SDAD1: variants seen among roughly 807,000 people sequenced by gnomAD.
SDAD1 encodes protein SDA1 homolog.
In SDAD1, 79 loss-of-function variants were observed where a neutral mutation model predicts 100.3. The ratio of observed to expected loss-of-function variants is 0.79; its 90% CI spans 0.66 to 0.95. SDAD1 has a LOEUF of 0.95. Among genes scored for constraint, SDAD1 ranks in the 40% least tolerant of loss-of-function variants. The pLI is 0.00. For synonymous variants in SDAD1, 267 were observed against 271.4 expected, an observed-to-expected ratio of 0.98 and a Z score of 0.16; for missense variants, 790 against 810.9, an observed-to-expected ratio of 0.97 and a Z score of 0.31.
intron 14 of SDAD1, 72 bp downstream of exon 14, chr4:75,964,063 C>T (rs4859578): frequency 0.24 from 240,348 of 985,072 alleles, 30,830 homozygotes; most frequent in East Asian, 0.36. Context: ...TACAATCTTA[C>T]ATCTTGGTAA....
chr4:75,956,176 A>G (rs770071554), intron 20 of SDAD1, 40 bp from the exon 21 acceptor site: 3 of 1,568,804 alleles, frequency 1.9e-6, no homozygotes, highest in East Asian at 2.2e-5. Context: ...CTTCAACAAC[A>G]TACTTTAGGA....
intron 11 of SDAD1, among the ~76,000 whole-genome samples, chr4:75,968,420 G>A (rs1333624627): frequency 6.6e-6 from 1 of 151,986 alleles, no homozygotes; most frequent in East Asian, 1.9e-4. Flanking sequence ...GATGTTCAGA[G>A]CAGCACCAGT....
At chr4:75,973,857 T>C (rs189226215) in intron 7 of SDAD1, among the ~76,000 whole-genome samples, 1 of 152,010 alleles carries the variant, frequency 6.6e-6, no homozygotes, top group South Asian at 2.1e-4. Flanking sequence ...AGGAAAGCAG[T>C]ATAGGAACAA....
rs780712560 is a variant in SDAD1, at chr4:75,981,882, C to T, written c.195+51G>A. The T allele has an allele frequency of 5.6e-6, 7 of 1,239,656 alleles. No individual in the cohort carries two copies. In the African/African-American group the frequency reaches 7.5e-5, roughly 13 times the overall value. The allele number at this position is 1,239,656 out of a possible 1,614,324, so 76.8% of individuals were successfully genotyped here. On this transcript the variant is annotated intron_variant, in intron 2 of 21. Coordinates refer to ENST00000356260, the MANE Select transcript of SDAD1 (RefSeq NM_018115.4). ...GGTTGAGTATTAGTGAAAAAACATT[C>T]AGCAAACTGTGTGTTAATACTGGTC...
chr4:75,953,740 G>A (rs1728737266), intron 21 of SDAD1, among the ~76,000 whole-genome samples: 1 of 152,170 alleles, frequency 6.6e-6, no homozygotes. Context: ...AGCTATTTAG[G>A]AACACTGATT....
Position 75,965,279 on chromosome 4 carries a change from C to T in SDAD1, c.1104+485G>A, listed in dbSNP as rs541649557. Among the ~76,000 whole-genome samples, 457 of 152,264 alleles carry T rather than the reference C, an allele frequency of 3.0e-3. 6 individuals are homozygous for T. Among genetic ancestry groups the T allele is most frequent in the Non-Finnish European group, 2.0e-3 (133 of 68,018 alleles). ...AGGCTTATTAGGATGAGGAAATTCC[C>T]GCCTAATAAATTTTGGTCAGACTGG... On this transcript the variant is annotated intron_variant, in intron 13 of 21. Transcript: ENST00000356260.
chr4:75,966,872 C>T (rs142467085), intron 12 of SDAD1, among the ~76,000 whole-genome samples: 30 of 152,232 alleles, frequency 2.0e-4, no homozygotes, highest in Non-Finnish European at 2.5e-4. Flanking sequence ...TGGGTTCAAG[C>T]GATTCTGTCT....
Position 75,970,318 on chromosome 4 carries a change from C to G in SDAD1, c.874G>C (p.Asp292His). The G allele has an allele frequency of 6.2e-7, 1 of 1,613,498 alleles. No individual in the cohort carries two copies. The stretch of plus-strand genomic sequence containing the variant: ...CGTCATAATAACGTACCTTGGGGAT[C>G]ATGAATCAAGTGAATGGCTGAAAAG... ...FNFSAIHLIH[D>H]PQDFAEKLLK... is the part of the protein sequence containing the mutation. The change falls in exon 10 of 22, where the codon GAT becomes CAT. Residue 292 changes from aspartate to histidine, a missense_variant. By Grantham distance (81) the Asp-to-His change is moderately conservative. Coordinates refer to ENST00000356260, the MANE Select transcript of SDAD1 (RefSeq NM_018115.4).
intron 9 of SDAD1, 114 bp downstream of exon 9, chr4:75,971,243 T>C: frequency 2.9e-6 from 2 of 699,684 alleles, no homozygotes; most frequent in Non-Finnish European, 4.9e-6. Context: ...TATCTAACAT[T>C]TCTAAGTATT....
chr4:75,987,017 T>TA lies in SDAD1; in HGVS notation c.90+3734dup, dbSNP rs575128764. On this transcript the variant is annotated intron_variant, in intron 1 of 21. Coordinates refer to ENST00000356260, the MANE Select transcript of SDAD1 (RefSeq NM_018115.4). ...TGGGCAACAGAGCAAGACTGTGTCT[T>TA]AAAAAAAAAAATCCTTTCTTGATTC... is the stretch of plus-strand genomic sequence containing the variant. Among the ~76,000 whole-genome samples the TA allele has an allele frequency of 7.1e-3, 1,052 of 148,548 alleles. 4 individuals are homozygous for TA. The highest frequency in any genetic ancestry group is 0.017 in the Middle Eastern group (5 of 288).
At chr4:75,989,218 T>G (rs1731087067) in intron 1 of SDAD1, among the ~76,000 whole-genome samples, 1 of 152,180 alleles carries the variant, frequency 6.6e-6, no homozygotes, top group Admixed American at 6.6e-5. Flanking sequence ...TTCTCTGCTT[T>G]TTTTCCACCA....
intron 11 of SDAD1, among the ~76,000 whole-genome samples, chr4:75,968,269 A>G (rs955543459): frequency 3.3e-5 from 5 of 152,266 alleles, no homozygotes; most frequent in Non-Finnish European, 5.9e-5. Context: ...AAAGCAATGT[A>G]GTCAGCAAAA....
At chr4:75,962,068 G>T (rs1729271061) in intron 14 of SDAD1, among the ~76,000 whole-genome samples, 2 of 152,036 alleles carry the variant, frequency 1.3e-5, no homozygotes, top group African/African-American at 4.8e-5. Context: ...CCCACGACAG[G>T]CCCCGGTGTG....
At chr4:75,963,344 T>C (rs1729357974) in intron 14 of SDAD1, among the ~76,000 whole-genome samples, 1 of 152,118 alleles carries the variant, frequency 6.6e-6, no homozygotes, top group Non-Finnish European at 1.5e-5. Flanking sequence ...CTTTGTTCTT[T>C]TGGCTTAGGA....
In SDAD1 at chr4:75,971,413, C is replaced by T; in HGVS notation, c.757G>A (p.Gly253Arg). ...TTCTTGTTTTTGGAACTTTTCTTCC[C>T]TGTAGCATATTGTACTAGCAGGTCT... ...ARDLLVQYAT[G>R]KKSSKNKKKL... Residue 253 changes from glycine (G) to arginine (R), a missense_variant, in exon 9 of 22, where the codon GGG becomes AGG. Coordinates refer to ENST00000356260, the MANE Select transcript of SDAD1 (RefSeq NM_018115.4). The T allele has an allele frequency of 1.2e-6, 2 of 1,614,044 alleles. No homozygotes were observed. Among genetic ancestry groups the T allele is most frequent in the Non-Finnish European group, 1.7e-6 (2 of 1,179,976 alleles).
chr4:75,990,274 A>AC (rs11294605), intron 1 of SDAD1, among the ~76,000 whole-genome samples: 3,261 of 119,022 alleles, frequency 0.027, 142 homozygotes, highest in African/African-American at 0.043. Context: ...TGCTTGAGAA[A>AC]CCCCCCCCCC....
chr4:75,985,479 C>T (rs1352407782), intron 1 of SDAD1, among the ~76,000 whole-genome samples: 1 of 152,172 alleles, frequency 6.6e-6, no homozygotes, highest in African/African-American at 2.4e-5. Context: ...GTCCTCACCC[C>T]CAGCTTTGAA....
rs554103421 is a variant in SDAD1, at chr4:75,983,339, C to T, written c.91-1302G>A. On this transcript the variant is annotated intron_variant, in intron 1 of 21. Coordinates refer to ENST00000356260, the MANE Select transcript of SDAD1 (RefSeq NM_018115.4). ...GGGATGGCTGGGTCAAATGGTATTTCTGGTTCTAGATCCTTGAGGAATTGC... is the reference window on the plus strand; with the variant it reads ...GGGATGGCTGGGTCAAATGGTATTTTTGGTTCTAGATCCTTGAGGAATTGC... Among the ~76,000 whole-genome samples the T allele has an allele frequency of 3.3e-4, 51 of 152,298 alleles. 1 individual carries two copies. The highest frequency in any genetic ancestry group is 1.2e-3 in the African/African-American group (51 of 41,572).
At chr4:75,972,934 C>T (rs534802615) in intron 8 of SDAD1, among the ~76,000 whole-genome samples, 25 of 151,750 alleles carry the variant, frequency 1.6e-4, no homozygotes, top group African/African-American at 3.9e-4. Context: ...GGCAGGAGAA[C>T]GGCATGAACC....
Sources: gnomAD v4.1 joint callset for allele counts (sites outside exome capture counted in the v4.1 genomes callset) on GRCh38, gnomAD v4.1.1 for gene constraint, MANE v1.5 for transcripts, NCBI Gene and HGNC (gene_info 2026-07-23, HGNC 2026-07-21) for gene names.